The following CTTNBP2NL variants were observed in gnomAD, a reference collection of about 807,000 sequenced individuals.
CTTNBP2NL encodes the protein CTTNBP2 N-terminal like.
CTTNBP2NL carries 16 observed loss-of-function variants against 32.5 expected under a neutral mutation model. That is an observed-to-expected ratio of 0.49 (90% CI 0.33 to 0.75). CTTNBP2NL has a LOEUF of 0.75. Among genes scored for constraint, CTTNBP2NL ranks in the 30% least tolerant of loss-of-function variants. CTTNBP2NL has a pLI of 0.02. For synonymous variants in CTTNBP2NL, 298 were observed against 289.4 expected, an observed-to-expected ratio of 1.03 and a Z score of -0.30; for missense variants, 645 against 756.0, an observed-to-expected ratio of 0.85 and a Z score of 1.72.
chr1:112,431,469 A>G (rs959624981), intron 3 of CTTNBP2NL, among the ~76,000 whole-genome samples: 1 of 152,242 alleles, frequency 6.6e-6, no homozygotes, highest in Admixed American at 6.5e-5. Flanking sequence ...GAAAATATTT[A>G]TGGAAAGGAG....
rs1649130829 is a variant in CTTNBP2NL at position 112,418,523 on chromosome 1, TA to T, written c.99+2262del. On this transcript the variant is annotated intron_variant, in intron 3 of 5. Coordinates refer to ENST00000271277, the MANE Select transcript of CTTNBP2NL (RefSeq NM_018704.3). ...GACCTATACTATATTTGGTCCTAATTAAATTTTATTTAAAGTGGTTTTCTGT... is the reference window on the plus strand; with the variant it reads ...GACCTATACTATATTTGGTCCTAATTAATTTTATTTAAAGTGGTTTTCTGT... Among the ~76,000 whole-genome samples, 5 of 152,272 alleles carry T rather than the reference TA, an allele frequency of 3.3e-5. No homozygotes were observed. The East Asian group carries it at 9.6e-4, about 29-fold the overall frequency.
At chr1:112,400,662 C>T (rs985242058) in intron 1 of CTTNBP2NL, among the ~76,000 whole-genome samples, 5 of 152,092 alleles carry the variant, frequency 3.3e-5, no homozygotes, top group African/African-American at 1.2e-4. Context: ...TGTGGTGGCA[C>T]ATGCCTGTAA....
chr1:112,446,130 A>G (rs1474369273), intron 3 of CTTNBP2NL, among the ~76,000 whole-genome samples: 1 of 151,974 alleles, frequency 6.6e-6, no homozygotes, highest in Non-Finnish European at 1.5e-5. Flanking sequence ...CTGCATAAAG[A>G]GATTATTTTT....
chr1:112,434,387 A>G (rs1649664792), intron 3 of CTTNBP2NL, among the ~76,000 whole-genome samples: 1 of 152,082 alleles, frequency 6.6e-6, no homozygotes, highest in South Asian at 2.1e-4. Flanking sequence ...AAATACTTCA[A>G]AGTATCTGTG....
chr1:112,447,505 C>T (rs1650085974), intron 3 of CTTNBP2NL, among the ~76,000 whole-genome samples: 1 of 152,010 alleles, frequency 6.6e-6, no homozygotes, highest in Non-Finnish European at 1.5e-5. Flanking sequence ...AGAAGTAAAA[C>T]CCAGAATTTC....
intron 3 of CTTNBP2NL, among the ~76,000 whole-genome samples, chr1:112,427,099 G>A (rs1557890595): frequency 6.6e-6 from 1 of 152,056 alleles, no homozygotes; most frequent in East Asian, 1.9e-4. Context: ...TTTTATACCT[G>A]ATAGAATATT....
intron 1 of CTTNBP2NL, among the ~76,000 whole-genome samples, chr1:112,410,397 A>G (rs891214945): frequency 6.6e-6 from 1 of 152,196 alleles, no homozygotes; most frequent in African/African-American, 2.4e-5. Context: ...ATCTCAAAAA[A>G]AAAAAAAAAG....
At chr1:112,406,233 A>G (rs1034447378) in intron 1 of CTTNBP2NL, among the ~76,000 whole-genome samples, 5 of 152,090 alleles carry the variant, frequency 3.3e-5, no homozygotes, top group Non-Finnish European at 4.4e-5. Context: ...CTGTATTCAC[A>G]TTAACAACTC....
chr1:112,430,707 C>T (rs1649546856), intron 3 of CTTNBP2NL, among the ~76,000 whole-genome samples: 1 of 152,072 alleles, frequency 6.6e-6, no homozygotes. Context: ...GTGCGTGCCA[C>T]CTTGTCCAGC....
At chr1:112,440,954 A>G (rs910801264) in intron 3 of CTTNBP2NL, among the ~76,000 whole-genome samples, 1 of 152,064 alleles carries the variant, frequency 6.6e-6, no homozygotes, top group African/African-American at 2.4e-5. Flanking sequence ...TGACCTTCCT[A>G]TCTGTTTTGG....
intron 3 of CTTNBP2NL, among the ~76,000 whole-genome samples, chr1:112,425,423 A>G (rs998628036): frequency 2.0e-5 from 3 of 152,142 alleles, no homozygotes; most frequent in African/African-American, 4.8e-5. Flanking sequence ...GTGAGCTGAG[A>G]TCGCGCCACC....
chr1:112,437,897 G>A (rs938405469), intron 3 of CTTNBP2NL, among the ~76,000 whole-genome samples: 2 of 152,136 alleles, frequency 1.3e-5, no homozygotes, highest in Non-Finnish European at 2.9e-5. Flanking sequence ...CTCTCATTCT[G>A]TACGTTGTCT....
rs1013546879 is a variant in CTTNBP2NL at position 112,407,845 on chromosome 1, T to C, written c.-133-4349T>C. Among the ~76,000 whole-genome samples the C allele has an allele frequency of 8.1e-3, 1,097 of 135,920 alleles. 13 individuals are homozygous for C. Among genetic ancestry groups the C allele is most frequent in the African/African-American group, 0.029 (1,036 of 36,186 alleles). 89.2% of individuals were successfully genotyped at this position (135,920 alleles called of 152,430 possible). A position where few individuals can be genotyped will look rare whatever the true frequency, so the allele number is the denominator to read the frequency against. ...AACGGCTTTCTTTTTTCTTTCTTTT[T>C]TTTTTTTTTTTTTTTTTGAGGCAGG... On this transcript the variant is annotated intron_variant, in intron 1 of 5. Transcript: ENST00000271277.
chr1:112,440,939 T>C (rs1296934157), intron 3 of CTTNBP2NL, among the ~76,000 whole-genome samples: 1 of 152,198 alleles, frequency 6.6e-6, no homozygotes, highest in Non-Finnish European at 1.5e-5. Flanking sequence ...AAAAATACTT[T>C]GATTTGACCT....
chr1:112,414,158 G>A (rs1193890907), intron 2 of CTTNBP2NL, among the ~76,000 whole-genome samples: 1 of 152,134 alleles, frequency 6.6e-6, no homozygotes, highest in Non-Finnish European at 1.5e-5. Context: ...CTGAGGTCAG[G>A]AGTTCAAGAC....
At chr1:112,419,801 T>C (rs1649168738) in intron 3 of CTTNBP2NL, among the ~76,000 whole-genome samples, 1 of 152,224 alleles carries the variant, frequency 6.6e-6, no homozygotes, top group South Asian at 2.1e-4. Context: ...CGGACTCAAG[T>C]TGAAACATTC....
chr1:112,409,783 A>C (rs1362402978), intron 1 of CTTNBP2NL, among the ~76,000 whole-genome samples: 1 of 152,246 alleles, frequency 6.6e-6, no homozygotes. Context: ...AAGAAAGAAG[A>C]AGCATAACCG....
intron 3 of CTTNBP2NL, among the ~76,000 whole-genome samples, chr1:112,442,888 G>A (rs12036270): frequency 4.0e-5 from 6 of 151,478 alleles, no homozygotes; most frequent in East Asian, 3.9e-4. Flanking sequence ...ACGGGGTTTC[G>A]CCATGTTGGC....
intron 2 of CTTNBP2NL, among the ~76,000 whole-genome samples, chr1:112,413,724 C>T (rs566161596): frequency 3.4e-4 from 52 of 152,104 alleles, no homozygotes; most frequent in African/African-American, 1.1e-3. Context: ...CTAAAGTGAA[C>T]GTCATTTACT....
Sources: allele counts gnomAD v4.1 joint callset (sites outside exome capture counted in the v4.1 genomes callset), GRCh38; gene constraint gnomAD v4.1.1; transcripts MANE v1.5; gene names NCBI Gene and HGNC (gene_info 2026-07-23, HGNC 2026-07-21).